Variants in SLIT3 observed in about 807,000 individuals in gnomAD.
The protein encoded by SLIT3 is slit guidance ligand 3, also known as slit homolog 3 protein.
A neutral mutation model predicts 184.0 loss-of-function variants in SLIT3; 68 were observed. That is an observed-to-expected ratio of 0.37 (90% CI 0.30 to 0.45). The LOEUF is 0.45. Among genes scored for constraint, SLIT3 ranks in the 20% least tolerant of loss-of-function variants. The pLI is 1.00. For synonymous variants in SLIT3, 831 were observed against 828.6 expected (o/e 1.00, Z -0.05); for missense variants, 1,707 against 2,026.0 (o/e 0.84, Z 3.02).
At chr5:168,712,603 G>A (rs914400126) in intron 23 of SLIT3, 1 of 479,746 alleles carries the variant, frequency 2.1e-6, no homozygotes, top group Non-Finnish European at 3.7e-6. Context: ...GACCTGAGGC[G>A]AAATCAGAAA....
At chr5:169,061,980 C>T (rs1413463537) in intron 4 of SLIT3, among the ~76,000 whole-genome samples, 5 of 152,030 alleles carry the variant, frequency 3.3e-5, no homozygotes, top group Admixed American at 6.6e-5. Context: ...GTCAGGAGAT[C>T]GAGACCATCC....
intron 4 of SLIT3, among the ~76,000 whole-genome samples, chr5:168,987,034 C>T (rs755635127): frequency 1.3e-5 from 2 of 152,096 alleles, no homozygotes; most frequent in African/African-American, 2.4e-5. Context: ...GGCAACAGAG[C>T]GAGATTCCAT....
chr5:169,300,078 C>T lies in SLIT3; in HGVS notation c.197+435G>A, dbSNP rs1488727330. On this transcript the variant is annotated intron_variant, in intron 1 of 35. Coordinates refer to ENST00000519560, the MANE Select transcript of SLIT3 (RefSeq NM_003062.4). The surrounding 1 kb of genome is among the most constrained non-coding windows in gnomAD (Gnocchi z 4.1). Reference sequence around the variant, plus strand: ...CCATTCTGATCTCCAAGCAGGTCAACAGTCTCGGGCCCTCTCTCCCGCCTC... The same window carrying T: ...CCATTCTGATCTCCAAGCAGGTCAATAGTCTCGGGCCCTCTCTCCCGCCTC... Among the ~76,000 whole-genome samples, 1 of 152,240 alleles carries T rather than the reference C, an allele frequency of 6.6e-6. No homozygotes were observed. Among genetic ancestry groups the T allele is most frequent in the Non-Finnish European group, 1.5e-5 (1 of 68,050 alleles).
chr5:168,845,027 A>T (rs1048404154), intron 5 of SLIT3, among the ~76,000 whole-genome samples: 1 of 149,966 alleles, frequency 6.7e-6, no homozygotes, highest in Non-Finnish European at 1.5e-5. Flanking sequence ...AAATCATTGG[A>T]GGTCACTGCT....
At chr5:169,165,967 T>C (rs1762625198) in intron 4 of SLIT3, among the ~76,000 whole-genome samples, 1 of 152,182 alleles carries the variant, frequency 6.6e-6, no homozygotes, top group Admixed American at 6.5e-5. Context: ...TATTTGTTGA[T>C]GGGATGAAAC....
intron 3 of SLIT3, among the ~76,000 whole-genome samples, chr5:169,217,150 A>AAAC (rs1554108165): frequency 4.3e-4 from 64 of 149,524 alleles, no homozygotes; most frequent in East Asian, 1.6e-3. Flanking sequence ...AAAAAAAAAA[A>AAAC]AACTTAGACT....
chr5:169,003,242 T>G (rs2113428558), intron 4 of SLIT3, among the ~76,000 whole-genome samples: 1 of 152,330 alleles, frequency 6.6e-6, no homozygotes, highest in South Asian at 2.1e-4. Context: ...TTGTCACTAT[T>G]CCTTGGATTA....
At chr5:169,237,016 T>C (rs569088244) in intron 3 of SLIT3, among the ~76,000 whole-genome samples, 13 of 152,294 alleles carry the variant, frequency 8.5e-5, no homozygotes, top group Admixed American at 4.6e-4. Flanking sequence ...AATTCCAGTA[T>C]ACGTGTACAG....
At chr5:168,897,416 TGAGA>T (rs138218818) in intron 4 of SLIT3, among the ~76,000 whole-genome samples, 3 of 148,344 alleles carry the variant, frequency 2.0e-5, no homozygotes, top group Non-Finnish European at 4.5e-5. Context: ...GATATAAAGA[TGAGA>T]GAGAGAGAGA....
At chr5:169,006,632 A>ACACACACACACACACACACACAC (rs752430679) in intron 4 of SLIT3, among the ~76,000 whole-genome samples, 1 of 132,960 alleles carries the variant, frequency 7.5e-6, no homozygotes, top group Non-Finnish European at 1.6e-5. Context: ...CACACACACA[A>ACACACACACACACACACACACAC]CTCTCCAAGC....
intron 4 of SLIT3, among the ~76,000 whole-genome samples, chr5:168,944,820 G>A (rs916999499): frequency 9.2e-5 from 14 of 152,182 alleles, no homozygotes; most frequent in African/African-American, 3.4e-4. Context: ...ATGGTGACTT[G>A]ATGGCTCTTT....
intron 4 of SLIT3, among the ~76,000 whole-genome samples, chr5:168,893,315 C>T (rs532838711): frequency 1.3e-5 from 2 of 152,126 alleles, no homozygotes. Context: ...GAAAGGGAAC[C>T]CATTTCTATA....
chr5:169,146,766 A>C (rs1245255863), intron 4 of SLIT3, among the ~76,000 whole-genome samples: 1 of 152,202 alleles, frequency 6.6e-6, no homozygotes, highest in Non-Finnish European at 1.5e-5. Context: ...TTTAGGCCTC[A>C]CCTTGCACAT....
At chr5:168,667,154 C>T (rs1015410060) in intron 35 of SLIT3, among the ~76,000 whole-genome samples, 2 of 152,210 alleles carry the variant, frequency 1.3e-5, no homozygotes, top group Admixed American at 6.5e-5. Flanking sequence ...GAGCCTGCAA[C>T]CCTGCACTGC....
intron 4 of SLIT3, among the ~76,000 whole-genome samples, chr5:168,947,190 G>A (rs996202834): frequency 1.3e-5 from 2 of 152,170 alleles, no homozygotes; most frequent in Non-Finnish European, 2.9e-5. Flanking sequence ...CAGAAACCAA[G>A]GGCAATATAA....
chr5:168,788,744 A>G (rs753817972), intron 11 of SLIT3, among the ~76,000 whole-genome samples: 4 of 152,090 alleles, frequency 2.6e-5, no homozygotes, highest in Non-Finnish European at 4.4e-5. Context: ...AATATATTTT[A>G]TATTTTAGGT....
intron 5 of SLIT3, among the ~76,000 whole-genome samples, chr5:168,857,385 TTTG>T (rs1234772329): frequency 1.3e-5 from 2 of 151,966 alleles, no homozygotes; most frequent in Non-Finnish European, 2.9e-5. Context: ...TTTGTTTTGT[TTTG>T]TTTTGTTTTG....
At position 169,169,648 on chromosome 5, in the gene SLIT3, A is replaced by T. The variant is rs1283880886; in HGVS notation, c.413+23831T>A. On this transcript the variant is annotated intron_variant, in intron 4 of 35. Transcript: ENST00000519560. Reference sequence around the variant, plus strand: ...ACCACAAATTGGTCCCTATCAGAGAATTGCTGCTCAGTTCAGATGGTAATT... The same window carrying T: ...ACCACAAATTGGTCCCTATCAGAGATTTGCTGCTCAGTTCAGATGGTAATT... 2.0e-5 allele frequency among the ~76,000 whole-genome samples: 3 copies of T among 152,316 alleles called. No homozygotes were observed. In the East Asian group the frequency reaches 5.8e-4, roughly 29 times the overall value.
chr5:169,265,272 G>C (rs1268346664), intron 1 of SLIT3, among the ~76,000 whole-genome samples: 1 of 152,208 alleles, frequency 6.6e-6, no homozygotes, highest in Non-Finnish European at 1.5e-5. Flanking sequence ...GACCTGCGTA[G>C]TCTGGTTCTC....
Sources: gnomAD v4.1 joint callset for allele counts (sites outside exome capture counted in the v4.1 genomes callset) on GRCh38, gnomAD v4.1.1 for gene constraint, Gnocchi (gnomAD v3.1) non-coding constraint, MANE v1.5 for transcripts, NCBI Gene and HGNC (gene_info 2026-07-23, HGNC 2026-07-21) for gene names.